The following RBFOX1 variants were observed in gnomAD, a reference collection of about 807,000 sequenced individuals.
The protein encoded by RBFOX1 is RNA binding protein fox-1 homolog 1.
A neutral mutation model predicts 57.7 loss-of-function variants in RBFOX1; 8 were observed. That is an observed-to-expected ratio of 0.14 (90% CI 0.08 to 0.25). The LOEUF is 0.25. Among genes scored for constraint, RBFOX1 ranks in the 10% least tolerant of loss-of-function variants. The pLI is 1.00. For synonymous variants in RBFOX1, 326 were observed against 222.4 expected (o/e 1.47, Z -4.15); for missense variants, 611 against 548.5 (o/e 1.11, Z -1.14).
intron 4 of RBFOX1, among the ~76,000 whole-genome samples, chr16:7,210,303 G>A (rs2090872399): frequency 6.6e-6 from 1 of 152,152 alleles, no homozygotes; most frequent in African/African-American, 2.4e-5. Context: ...AGGCCATCAG[G>A]AAGAGTATGT....
intron 4 of RBFOX1, among the ~76,000 whole-genome samples, chr16:5,889,598 G>T (rs561390215): frequency 1.3e-5 from 2 of 152,342 alleles, no homozygotes; most frequent in African/African-American, 4.8e-5. Context: ...CTATGTGCCA[G>T]TCACACTTTT....
intron 4 of RBFOX1, among the ~76,000 whole-genome samples, chr16:7,236,558 G>C (rs571671123): frequency 6.6e-6 from 1 of 152,234 alleles, no homozygotes; most frequent in South Asian, 2.1e-4. Context: ...GGTAATTACT[G>C]TCAGATGAAC....
chr16:6,750,073 T>G (rs1324559753), intron 3 of RBFOX1, among the ~76,000 whole-genome samples: 1 of 152,196 alleles, frequency 6.6e-6, no homozygotes, highest in East Asian at 1.9e-4. Context: ...AACATTAAGA[T>G]TTCAGTCGAG....
intron 1 of RBFOX1, among the ~76,000 whole-genome samples, chr16:6,299,874 A>G (rs2078604363): frequency 6.6e-6 from 1 of 152,204 alleles, no homozygotes; most frequent in Non-Finnish European, 1.5e-5. Context: ...TGGCTTCACT[A>G]GAAGCCCACA....
intron 2 of RBFOX1, among the ~76,000 whole-genome samples, chr16:6,407,703 T>C (rs142590503): frequency 1.4e-4 from 21 of 152,128 alleles, no homozygotes; most frequent in African/African-American, 5.1e-4. Flanking sequence ...CTTGAATGAA[T>C]TGCAATTGTG....
chr16:6,892,080 A>G (rs913604494), intron 3 of RBFOX1, among the ~76,000 whole-genome samples: 1 of 152,014 alleles, frequency 6.6e-6, no homozygotes, highest in African/African-American at 2.4e-5. Context: ...CATAGATCCC[A>G]TTTCTTAGTT....
intron 4 of RBFOX1, among the ~76,000 whole-genome samples, chr16:7,324,716 C>T (rs907629844): frequency 2.0e-5 from 3 of 152,176 alleles, no homozygotes; most frequent in Non-Finnish European, 1.5e-5. Flanking sequence ...TTTGTAATGA[C>T]TATCAGCAGG....
chr16:7,262,724 A>C (rs2094966210), intron 4 of RBFOX1, among the ~76,000 whole-genome samples: 1 of 152,252 alleles, frequency 6.6e-6, no homozygotes, highest in Admixed American at 6.5e-5. Flanking sequence ...ATCACCAAGG[A>C]GAGGGCATCA....
At chr16:5,739,853 A>G (rs1251858061) in intron 3 of RBFOX1, among the ~76,000 whole-genome samples, 1 of 152,210 alleles carries the variant, frequency 6.6e-6, no homozygotes, top group African/African-American at 2.4e-5. Flanking sequence ...AGCAAGCTTC[A>G]TTCCAGTTTT....
At chr16:7,048,513 C>G (rs955223949) in intron 3 of RBFOX1, among the ~76,000 whole-genome samples, 2 of 152,154 alleles carry the variant, frequency 1.3e-5, no homozygotes, top group Non-Finnish European at 1.5e-5. Flanking sequence ...CCCGCCTCAG[C>G]CTTCCAAAGT....
At chr16:7,174,567 G>T (rs2081297080) in intron 4 of RBFOX1, among the ~76,000 whole-genome samples, 1 of 152,110 alleles carries the variant, frequency 6.6e-6, no homozygotes, top group Non-Finnish European at 1.5e-5. Flanking sequence ...AATCACTTGA[G>T]GTCAGGAGTT....
intron 3 of RBFOX1, among the ~76,000 whole-genome samples, chr16:5,629,059 CA>C (rs1239118131): frequency 6.6e-6 from 1 of 152,000 alleles, no homozygotes; most frequent in Non-Finnish European, 1.5e-5. Context: ...ACAAATGCAC[CA>C]GAGCAGCAGT....
At chr16:6,873,820 G>A (rs1187244807) in intron 3 of RBFOX1, 4 of 152,104 alleles carry the variant, frequency 2.6e-5, no homozygotes, top group African/African-American at 4.8e-5. Context: ...TCCAGATAAG[G>A]AAACCGAGAC....
intron 1 of RBFOX1, among the ~76,000 whole-genome samples, chr16:5,327,373 G>T (rs969956197): frequency 6.6e-6 from 1 of 152,182 alleles, no homozygotes; most frequent in African/African-American, 2.4e-5. Flanking sequence ...GCACCCTGAA[G>T]TTTAAGGACC....
intron 3 of RBFOX1, among the ~76,000 whole-genome samples, chr16:6,743,095 T>G (rs931466880): frequency 6.6e-6 from 1 of 152,194 alleles, no homozygotes; most frequent in African/African-American, 2.4e-5. Flanking sequence ...TGTCTGTGTA[T>G]TTGTAATATT....
intron 2 of RBFOX1, among the ~76,000 whole-genome samples, chr16:6,580,097 T>G (rs1253396724): frequency 2.6e-5 from 4 of 152,064 alleles, no homozygotes; most frequent in Non-Finnish European, 4.4e-5. Flanking sequence ...TAGCTGGGAT[T>G]ACAGGTGCCC....
At chr16:7,559,317 GTC>G (rs985896836) in intron 5 of RBFOX1, among the ~76,000 whole-genome samples, 1 of 147,074 alleles carries the variant, frequency 6.8e-6, no homozygotes, top group East Asian at 1.9e-4. Flanking sequence ...CTTTCTCTCA[GTC>G]TCTCTCTTTC....
chr16:5,601,984 TC>T (rs967091441), downstream of RBFOX1, among the ~76,000 whole-genome samples: 3 of 152,186 alleles, frequency 2.0e-5, no homozygotes, highest in African/African-American at 7.2e-5. Context: ...CCTGCTGGTT[TC>T]TCCTCTGGAG....
At chr16:7,096,012 CA>C (rs71408498) in intron 4 of RBFOX1, among the ~76,000 whole-genome samples, 38,916 of 111,030 alleles carry the variant, frequency 0.35, 5,217 homozygotes, top group East Asian at 0.52. Context: ...GACTCTGTCT[CA>C]AAAAAAAAAA....
Sources: allele counts gnomAD v4.1 joint callset (sites outside exome capture counted in the v4.1 genomes callset), GRCh38; gene constraint gnomAD v4.1.1; transcripts MANE v1.5; gene names NCBI Gene and HGNC (gene_info 2026-07-23, HGNC 2026-07-21).